LRRC38: variants seen among roughly 807,000 people sequenced by gnomAD.
LRRC38 encodes leucine rich repeat containing 38.
A neutral mutation model predicts 16.4 loss-of-function variants in LRRC38; 5 were observed. The observed-to-expected ratio is 0.31, with a 90% CI of 0.16 to 0.64. The LOEUF (loss-of-function observed/expected upper bound fraction) is 0.64, where lower values mean the gene tolerates loss of function less well. Among genes scored for constraint, LRRC38 ranks in the 30% least tolerant of loss-of-function variants. The probability of loss-of-function intolerance (pLI) is 0.80; values close to 1 mark genes in which losing one functional copy is unlikely to be tolerated. For synonymous variants in LRRC38, 191 were observed against 190.2 expected, an observed-to-expected ratio of 1.00 and a Z score of -0.04; for missense variants, 341 against 401.8, an observed-to-expected ratio of 0.85 and a Z score of 1.29.
Position 13,513,217 on chromosome 1 carries a change from G to T in LRRC38, c.377C>A (p.Ser126Ter). ...LTQLGAGAFR[S>*]AGRLVKLSLA... is the part of the protein sequence containing the mutation. ...GCTAAGCTTCACCAGCCTCCCGGCC[G>T]AGCGGAAGGCGCCGGCGCCCAGCTG... is the stretch of plus-strand genomic sequence containing the variant. The change falls in exon 1 of 2, where the codon TCG (serine) becomes TAG (stop). Residue 126 changes from serine (S) to a stop codon, truncating the protein, a stop_gained. Transcript: ENST00000376085. LOFTEE classifies it high-confidence loss of function. The T allele has an allele frequency of 6.5e-7, 1 of 1,550,362 alleles. No individual in the cohort carries two copies. Among genetic ancestry groups the T allele is most frequent in the East Asian group, 2.4e-5 (1 of 40,878 alleles).
chr1:13,513,390 GA>G lies in LRRC38; in HGVS notation c.203del (p.Ile68ThrfsTer49), dbSNP rs763142199. On this transcript the variant is annotated frameshift_variant, in exon 1 of 2. Coordinates refer to ENST00000376085, the MANE Select transcript of LRRC38 (RefSeq NM_001010847.2). LOFTEE classifies it high-confidence loss of function. Reference sequence around the variant, plus strand: ...TGAAGAAGTCCTCGGGGATCCGCTGGATGCGGTTGCCGGCCACCAGCAGCTT... The same window carrying G: ...TGAAGAAGTCCTCGGGGATCCGCTGGTGCGGTTGCCGGCCACCAGCAGCTT... ...VRKLLVAGNR[I>X]QRIPEDFFIF... The G allele has an allele frequency of 7.1e-4, 1,105 of 1,550,634 alleles. No individual in the cohort carries two copies. Among genetic ancestry groups the G allele is most frequent in the Non-Finnish European group, 9.2e-4 (1,056 of 1,146,970 alleles).
intron 1 of LRRC38, among the ~76,000 whole-genome samples, chr1:13,499,462 G>A (rs1030044325): frequency 2.0e-5 from 3 of 152,200 alleles, no homozygotes; most frequent in Non-Finnish European, 4.4e-5. Flanking sequence ...TTCCATGTGT[G>A]AACTTGGGGG....
chr1:13,479,660 C>T (rs1341029662), intron 1 of LRRC38, among the ~76,000 whole-genome samples: 1 of 152,194 alleles, frequency 6.6e-6, no homozygotes, highest in Non-Finnish European at 1.5e-5. Flanking sequence ...AACGGCAGTG[C>T]TTAGTGGGGC....
chr1:13,507,200 G>C (rs1428797916), intron 1 of LRRC38, among the ~76,000 whole-genome samples: 1 of 152,200 alleles, frequency 6.6e-6, no homozygotes, highest in African/African-American at 2.4e-5. Context: ...GGCACCAGAA[G>C]GCCAGACCAC....
chr1:13,480,037 C>T (rs886894281), intron 1 of LRRC38, among the ~76,000 whole-genome samples: 1 of 152,234 alleles, frequency 6.6e-6, no homozygotes, highest in Non-Finnish European at 1.5e-5. Flanking sequence ...ACCTCCCACC[C>T]AGTGTGACAA....
chr1:13,479,718 G>C (rs1476423783), intron 1 of LRRC38, among the ~76,000 whole-genome samples: 1 of 152,182 alleles, frequency 6.6e-6, no homozygotes, highest in Non-Finnish European at 1.5e-5. Flanking sequence ...AGCTCACAAA[G>C]GGCAGAGAAA....
intron 1 of LRRC38, among the ~76,000 whole-genome samples, chr1:13,503,767 G>A (rs564446426): frequency 2.0e-5 from 3 of 152,294 alleles, no homozygotes; most frequent in Non-Finnish European, 4.4e-5. Context: ...GCTAATGTTG[G>A]AGCCCGGATT....
At chr1:13,493,257 G>GC (rs1639039218) in intron 1 of LRRC38, among the ~76,000 whole-genome samples, 2 of 152,100 alleles carry the variant, frequency 1.3e-5, no homozygotes, top group African/African-American at 4.8e-5. Flanking sequence ...GTGGCCTTCA[G>GC]CGGGGCTCGG....
intron 1 of LRRC38, among the ~76,000 whole-genome samples, chr1:13,497,656 TA>T (rs1167916966): frequency 6.6e-6 from 1 of 151,926 alleles, no homozygotes; most frequent in Non-Finnish European, 1.5e-5. Context: ...AGCTCATGAT[TA>T]ATTTTTCCGT....
intron 1 of LRRC38, 21 bp downstream of exon 1, chr1:13,512,941 CA>C: frequency 6.6e-7 from 1 of 1,522,432 alleles, no homozygotes. Context: ...CTCCCTCCCC[CA>C]GCCTAGCCGG....
At chr1:13,492,852 G>A (rs1477556919) in intron 1 of LRRC38, among the ~76,000 whole-genome samples, 1 of 152,144 alleles carries the variant, frequency 6.6e-6, no homozygotes, top group Non-Finnish European at 1.5e-5. Context: ...ACATAACACA[G>A]CATTCACGAT....
At chr1:13,498,259 A>G (rs866506347) in intron 1 of LRRC38, among the ~76,000 whole-genome samples, 1,826 of 152,128 alleles carry the variant, frequency 0.012, 26 homozygotes, top group African/African-American at 0.041. Context: ...CAAAAAAAAA[A>G]AGAGCCCAGT....
chr1:13,488,947 G>A (rs1638974811), intron 1 of LRRC38, among the ~76,000 whole-genome samples: 1 of 152,120 alleles, frequency 6.6e-6, no homozygotes, highest in South Asian at 2.1e-4. Flanking sequence ...ATATGTCTTA[G>A]GGAAATCATG....
At chr1:13,502,352 C>A (rs1416657071) in intron 1 of LRRC38, among the ~76,000 whole-genome samples, 1 of 152,186 alleles carries the variant, frequency 6.6e-6, no homozygotes, top group Non-Finnish European at 1.5e-5. Flanking sequence ...TTCCAGGGAA[C>A]TTGCTTCTTT....
intron 1 of LRRC38, among the ~76,000 whole-genome samples, chr1:13,505,728 G>T (rs1434957843): frequency 6.6e-6 from 1 of 152,238 alleles, no homozygotes; most frequent in Non-Finnish European, 1.5e-5. Context: ...GATGGTCAGG[G>T]AAGGCCTCTC....
chr1:13,512,932 T>TCC, intron 1 of LRRC38, 31 bp downstream of exon 1: 2 of 495,302 alleles, frequency 4.0e-6, no homozygotes, highest in South Asian at 5.5e-5. Context: ...CCCCCCTCCC[T>TCC]CCCTCCCCCA....
chr1:13,481,382 T>TTA (rs1432081392), intron 1 of LRRC38, among the ~76,000 whole-genome samples: 3 of 127,982 alleles, frequency 2.3e-5, no homozygotes, highest in African/African-American at 8.3e-5. Flanking sequence ...TTATGTTTTT[T>TTA]TTATTTTTTT....
chr1:13,496,147 C>T (rs969800993), intron 1 of LRRC38, among the ~76,000 whole-genome samples: 1 of 147,460 alleles, frequency 6.8e-6, no homozygotes, highest in African/African-American at 2.5e-5. Context: ...TGATCAGCAG[C>T]GCTGATCAAA....
At chr1:13,492,532 T>C (rs1264432705) in intron 1 of LRRC38, among the ~76,000 whole-genome samples, 3 of 152,018 alleles carry the variant, frequency 2.0e-5, no homozygotes, top group African/African-American at 7.2e-5. Context: ...ACAACCCCCA[T>C]GTCTACTAAA....
Sources: gnomAD v4.1 joint callset for allele counts (sites outside exome capture counted in the v4.1 genomes callset) on GRCh38, gnomAD v4.1.1 for gene constraint, MANE v1.5 for transcripts, NCBI Gene and HGNC (gene_info 2026-07-23, HGNC 2026-07-21) for gene names.